The following CNTNAP5 variants were observed in gnomAD, a reference collection of about 807,000 sequenced individuals.
CNTNAP5 encodes contactin associated protein family member 5.
CNTNAP5 carries 72 observed loss-of-function variants against 150.2 expected under a neutral mutation model. That is an observed-to-expected ratio of 0.48 (90% CI 0.40 to 0.58). The LOEUF (loss-of-function observed/expected upper bound fraction) is 0.58, where lower values mean the gene tolerates loss of function less well. CNTNAP5 is among the 20% of genes least tolerant of loss of function. The pLI, the probability that CNTNAP5 is intolerant of heterozygous loss-of-function variation, is 0.00. For missense variants in CNTNAP5, 1,636 were observed against 1,626.2 expected (o/e 1.01, Z -0.10); for synonymous variants, 672 against 619.8 (o/e 1.08, Z -1.25).
At chr2:124,853,532 A>G (rs1381078752) in intron 19 of CNTNAP5, among the ~76,000 whole-genome samples, 2 of 152,220 alleles carry the variant, frequency 1.3e-5, no homozygotes, top group African/African-American at 4.8e-5. Flanking sequence ...GGTGAGATCC[A>G]GCTACATCAC....
intron 4 of CNTNAP5, among the ~76,000 whole-genome samples, 194 bp from the exon 5 acceptor site, chr2:124,434,290 G>A (rs1692468165): frequency 6.6e-6 from 1 of 152,194 alleles, no homozygotes; most frequent in South Asian, 2.1e-4. Flanking sequence ...TCAGTGTGTG[G>A]TGATTGCTTG....
At chr2:124,282,620 CTT>C (rs776391686) in intron 3 of CNTNAP5, among the ~76,000 whole-genome samples, 11 of 144,108 alleles carry the variant, frequency 7.6e-5, no homozygotes, top group Non-Finnish European at 7.6e-5. Flanking sequence ...AGGTGAAGGA[CTT>C]TTTTTTTTTT....
intron 13 of CNTNAP5, among the ~76,000 whole-genome samples, chr2:124,707,156 G>GAAGAAGAAC (rs1376454759): frequency 1.1e-5 from 1 of 91,296 alleles, no homozygotes; most frequent in Non-Finnish European, 2.3e-5. Flanking sequence ...AGAAGAAGAA[G>GAAGAAGAAC]AAGAAGAAGA....
At chr2:124,549,971 C>T (rs181369249) in intron 10 of CNTNAP5, among the ~76,000 whole-genome samples, 408 of 152,282 alleles carry the variant, frequency 2.7e-3, no homozygotes, top group African/African-American at 9.1e-3. Context: ...ACGCTACCTG[C>T]GTGGGCCTGA....
At chr2:124,703,660 G>C (rs1459721079) in intron 13 of CNTNAP5, among the ~76,000 whole-genome samples, 1 of 152,080 alleles carries the variant, frequency 6.6e-6, no homozygotes, top group African/African-American at 2.4e-5. Context: ...AAACCATTTG[G>C]CTTCTTCCCT....
chr2:124,798,347 G>C, intron 19 of CNTNAP5, 27 bp downstream of exon 19: 2 of 1,539,502 alleles, frequency 1.3e-6, no homozygotes, highest in Non-Finnish European at 1.8e-6. Flanking sequence ...GATACCCAGC[G>C]GAGTCTCAGC....
chr2:124,324,414 TGA>T (rs1229142658), intron 3 of CNTNAP5, among the ~76,000 whole-genome samples: 5 of 152,164 alleles, frequency 3.3e-5, no homozygotes, highest in Non-Finnish European at 5.9e-5. Context: ...TAAATAGGTC[TGA>T]GAGACATCAA....
chr2:124,753,874 A>T (rs575071994), intron 14 of CNTNAP5, among the ~76,000 whole-genome samples: 1 of 152,348 alleles, frequency 6.6e-6, no homozygotes, highest in Non-Finnish European at 1.5e-5. Context: ...TTTAAAAAGT[A>T]GTTACAAGTG....
intron 13 of CNTNAP5, among the ~76,000 whole-genome samples, chr2:124,657,052 T>C (rs539099070): frequency 3.1e-4 from 47 of 152,330 alleles, no homozygotes; most frequent in African/African-American, 1.1e-3. Context: ...TTTTAGCCAG[T>C]ATTTTATCAC....
rs1678847969 is a variant in CNTNAP5 at position 124,920,282 on chromosome 2, C to T, written c.*5994C>T. ...CGTGAACAAAGTGCTGGATATGAAA[C>T]AGGAATAATGCATTCCTCTACAGAC... On this transcript the variant is annotated 3_prime_UTR_variant, in exon 24 of 24. Coordinates refer to ENST00000682447, the MANE Select transcript of CNTNAP5 (RefSeq NM_001367498.1). Among the ~76,000 whole-genome samples, 1 of 152,086 alleles carries T rather than the reference C, an allele frequency of 6.6e-6. No homozygotes were observed.
At chr2:124,644,424 G>T (rs1004456264) in intron 12 of CNTNAP5, among the ~76,000 whole-genome samples, 3 of 152,150 alleles carry the variant, frequency 2.0e-5, no homozygotes, top group African/African-American at 7.2e-5. Context: ...GCTTTAAGAT[G>T]AAAGATTGAC....
At chr2:124,566,829 G>A (rs556389191) in intron 11 of CNTNAP5, among the ~76,000 whole-genome samples, 1 of 152,160 alleles carries the variant, frequency 6.6e-6, no homozygotes, top group African/African-American at 2.4e-5. Flanking sequence ...CTCTCAGCAA[G>A]CATGGGTCCC....
intron 12 of CNTNAP5, among the ~76,000 whole-genome samples, chr2:124,634,167 C>T (rs1677924262): frequency 6.6e-6 from 1 of 152,204 alleles, no homozygotes; most frequent in Non-Finnish European, 1.5e-5. Context: ...CTTTTCTTTT[C>T]TACCACATGG....
At chr2:124,908,563 G>A (rs1053404846) in intron 22 of CNTNAP5, among the ~76,000 whole-genome samples, 10 of 152,106 alleles carry the variant, frequency 6.6e-5, no homozygotes, top group Non-Finnish European at 1.5e-4. Context: ...TGAAGTTGTA[G>A]CAATCATAAG....
intron 3 of CNTNAP5, among the ~76,000 whole-genome samples, chr2:124,377,530 C>A: frequency 1.3e-5 from 2 of 151,880 alleles, no homozygotes; most frequent in Middle Eastern, 3.4e-3. Flanking sequence ...TAAAAATTAG[C>A]CAGTCGTGGT....
intron 10 of CNTNAP5, among the ~76,000 whole-genome samples, chr2:124,562,473 C>T (rs1695914831): frequency 6.6e-6 from 1 of 152,074 alleles, no homozygotes; most frequent in Admixed American, 6.5e-5. Context: ...TTATGAATGG[C>T]ATCATTGTGA....
intron 11 of CNTNAP5, among the ~76,000 whole-genome samples, chr2:124,607,275 G>T (rs138231019): frequency 1.5e-4 from 23 of 152,204 alleles, no homozygotes; most frequent in African/African-American, 5.5e-4. Context: ...GGCTGCTTTC[G>T]TTTTAAGGCT....
At chr2:124,627,476 A>G (rs1677751043) in intron 12 of CNTNAP5, among the ~76,000 whole-genome samples, 1 of 145,806 alleles carries the variant, frequency 6.9e-6, no homozygotes, top group African/African-American at 2.4e-5. Flanking sequence ...GACCTGCAGA[A>G]GAAAGGCCTG....
At chr2:124,675,934 T>G (rs1416734238) in intron 13 of CNTNAP5, among the ~76,000 whole-genome samples, 1 of 152,216 alleles carries the variant, frequency 6.6e-6, no homozygotes, top group Non-Finnish European at 1.5e-5. Context: ...TCTAGTAATG[T>G]GTTTCTTGAA....
Sources: gnomAD v4.1 joint callset for allele counts (sites outside exome capture counted in the v4.1 genomes callset) on GRCh38, gnomAD v4.1.1 for gene constraint, MANE v1.5 for transcripts, NCBI Gene and HGNC (gene_info 2026-07-23, HGNC 2026-07-21) for gene names.